Variants in WBP11 observed in about 807,000 individuals in gnomAD.
WBP11 encodes the protein WW domain-binding protein 11.
WBP11 carries 12 observed loss-of-function variants against 66.7 expected under a neutral mutation model. That is an observed-to-expected ratio of 0.18 (90% CI 0.12 to 0.29). The LOEUF (loss-of-function observed/expected upper bound fraction) is 0.29, where lower values mean the gene tolerates loss of function less well. Among genes scored for constraint, WBP11 ranks in the 10% least tolerant of loss-of-function variants. WBP11 has a pLI of 1.00. For synonymous variants in WBP11, 255 were observed against 273.8 expected (o/e 0.93, Z 0.68); for missense variants, 555 against 818.3 (o/e 0.68, Z 3.93).
Position 14,790,444 on chromosome 12 carries a change from G to C in WBP11, c.1309+12C>G. The C allele has an allele frequency of 6.2e-7, 1 of 1,612,758 alleles. No homozygotes were observed. Among genetic ancestry groups the C allele is most frequent in the Non-Finnish European group, 8.5e-7 (1 of 1,179,260 alleles). ...CTCATTTAAACTTTATTCACATTAT[G>C]TAAGTGTTTACCTGGAGGTGGACCA... is the stretch of plus-strand genomic sequence containing the variant. On this transcript the variant is annotated intron_variant, in intron 10 of 11. Transcript: ENST00000261167.
intron 3 of WBP11, 136 bp downstream of exon 3, chr12:14,800,616 C>G: frequency 2.4e-6 from 2 of 839,434 alleles, no homozygotes; most frequent in Non-Finnish European, 3.7e-6. Context: ...CTTAGTATAT[C>G]TTACAGTTTT....
chr12:14,787,769 T>G (rs1438612685), intron 11 of WBP11, among the ~76,000 whole-genome samples: 1 of 152,220 alleles, frequency 6.6e-6, no homozygotes, highest in Admixed American at 6.5e-5. Flanking sequence ...GGACATCAAC[T>G]GGTTTCAAAT....
intron 8 of WBP11, 23 bp downstream of exon 8, chr12:14,793,708 A>G (rs1450662754): frequency 6.8e-6 from 11 of 1,610,450 alleles, no homozygotes; most frequent in Non-Finnish European, 7.6e-6. Context: ...GATCAATACC[A>G]TGAATCCTTC....
At chr12:14,795,364 C>A (rs1466428248) in intron 5 of WBP11, among the ~76,000 whole-genome samples, 1 of 152,090 alleles carries the variant, frequency 6.6e-6, no homozygotes, top group Non-Finnish European at 1.5e-5. Context: ...TGATTCGAAA[C>A]AGCTGTTGTC....
rs745694995 is a variant in WBP11 at position 14,790,434 on chromosome 12, T to C, written c.1309+22A>G. On this transcript the variant is annotated intron_variant, in intron 10 of 11. Coordinates refer to ENST00000261167, the MANE Select transcript of WBP11 (RefSeq NM_016312.3). ...TCATTCTAACCTCATTTAAACTTTA[T>C]TCACATTATGTAAGTGTTTACCTGG... The C allele has an allele frequency of 4.4e-6, 7 of 1,606,798 alleles. 1 individual carries two copies. The South Asian group carries it at 7.7e-5, about 18-fold the overall frequency.
intron 11 of WBP11, among the ~76,000 whole-genome samples, chr12:14,788,191 A>G (rs1377314963): frequency 6.6e-6 from 1 of 152,172 alleles, no homozygotes; most frequent in African/African-American, 2.4e-5. Context: ...GTGAGCTCAG[A>G]TCGCGCCATT....
intron 2 of WBP11, 118 bp downstream of exon 2, chr12:14,801,202 T>C (rs560920986): frequency 8.3e-5 from 81 of 975,748 alleles, no homozygotes; most frequent in Non-Finnish European, 1.2e-4. Context: ...CCTGAATATA[T>C]AATTTATTCC....
chr12:14,800,795 G>A lies in WBP11; in HGVS notation c.65-12C>T, dbSNP rs1949953401. 1 of 1,596,348 alleles carries A rather than the reference G, an allele frequency of 6.3e-7. No homozygotes were observed. ...CCGGGCTTCCTTTCCTTTAAAAGGA[G>A]AGAGGGAGATATAATAAAATCTTTG... On this transcript the variant is annotated splice_polypyrimidine_tract_variant and intron_variant, in intron 2 of 11. Coordinates refer to ENST00000261167, the MANE Select transcript of WBP11 (RefSeq NM_016312.3).
intron 11 of WBP11, among the ~76,000 whole-genome samples, chr12:14,788,340 C>T (rs79101395): frequency 6.6e-5 from 10 of 152,318 alleles, no homozygotes; most frequent in Admixed American, 2.0e-4. Context: ...TTCAGACATA[C>T]ACAATATTCA....
chr12:14,790,576 C>T lies in WBP11; in HGVS notation c.1189G>A (p.Val397Ile). The T allele has an allele frequency of 2.5e-6, 4 of 1,613,994 alleles. No individual in the cohort carries two copies. Among genetic ancestry groups the T allele is most frequent in the Non-Finnish European group, 3.4e-6 (4 of 1,179,876 alleles). Residue 397 changes from valine (V) to isoleucine (I), a missense_variant, in exon 10 of 12, where the codon GTT becomes ATT. By Grantham distance (29) the Val-to-Ile change is conservative. Coordinates refer to ENST00000261167, the MANE Select transcript of WBP11 (RefSeq NM_016312.3). Reference protein sequence around the residue: ...SSQQQAPPQSVPPSQIQAPPM... With the variant: ...SSQQQAPPQSIPPSQIQAPPM... Reference sequence around the variant, plus strand: ...GGTGCTTGTATCTGAGAAGGAGGAACAGACTGCGGCGGAGCCTGCTGCTGT... The same window carrying T: ...GGTGCTTGTATCTGAGAAGGAGGAATAGACTGCGGCGGAGCCTGCTGCTGT...
At position 14,786,738 on chromosome 12, in the gene WBP11, A is replaced by T. The variant is rs550480197; in HGVS notation, c.*327T>A. On this transcript the variant is annotated 3_prime_UTR_variant, in exon 12 of 12. Coordinates refer to ENST00000261167, the MANE Select transcript of WBP11 (RefSeq NM_016312.3). ...AAATCTCTACTCCAGTGCCCACAGC[A>T]CACAAGAGTCAAAACAAATAAGCAA... The T allele has an allele frequency of 2.8e-5, 6 of 217,498 alleles. No homozygotes were observed. In the South Asian group the frequency reaches 6.4e-4, roughly 23 times the overall value. 13.5% of individuals were successfully genotyped at this position (217,498 alleles called of 1,614,324 possible).
At position 14,790,412 on chromosome 12, in the gene WBP11, T is replaced by C. The variant is rs1949806883; in HGVS notation, c.1309+44A>G. On this transcript the variant is annotated intron_variant, in intron 10 of 11. Coordinates refer to ENST00000261167, the MANE Select transcript of WBP11 (RefSeq NM_016312.3). Reference sequence around the variant, plus strand: ...CATAGTATTTTTTGGAATGACTTCATTCTAACCTCATTTAAACTTTATTCA... The same window carrying C: ...CATAGTATTTTTTGGAATGACTTCACTCTAACCTCATTTAAACTTTATTCA... The C allele has an allele frequency of 1.9e-6, 3 of 1,591,406 alleles. No individual in the cohort carries two copies. The East Asian group carries it at 6.7e-5, about 36-fold the overall frequency.
Position 14,787,032 on chromosome 12 carries a change from G to A in WBP11, c.*33C>T. On this transcript the variant is annotated 3_prime_UTR_variant, in exon 12 of 12. Coordinates refer to ENST00000261167, the MANE Select transcript of WBP11 (RefSeq NM_016312.3). ...GCCTCTTTCTCCATGGGCCACTGTT[G>A]TGAACAGAAGCCTTTTCTGGCATCA... 3 of 1,588,876 alleles carry A rather than the reference G, an allele frequency of 1.9e-6. No individual in the cohort carries two copies. Among genetic ancestry groups the A allele is most frequent in the Non-Finnish European group, 2.6e-6 (3 of 1,164,562 alleles).
At position 14,790,627 on chromosome 12, in the gene WBP11, A is replaced by C. The variant is rs1949811029; in HGVS notation, c.1138T>G (p.Ser380Ala). The change falls in exon 10 of 12, where the codon TCT becomes GCT. Residue 380 changes from serine (S) to alanine (A), a missense_variant. Coordinates refer to ENST00000261167, the MANE Select transcript of WBP11 (RefSeq NM_016312.3). The stretch of plus-strand genomic sequence containing the variant: ...GAAGAAGCAGTGGATGTGCCATCAG[A>C]ATGGGATTCCTCTTTATGCTGCTTT... ...SQKQHKEESH[S>A]DGTSTASSQQ... 5.6e-6 allele frequency: 9 copies of C among 1,614,128 alleles called. No individual in the cohort carries two copies. The highest frequency in any genetic ancestry group is 7.6e-6 in the Non-Finnish European group (9 of 1,179,954).
At chr12:14,797,111 A>C in intron 4 of WBP11, 108 bp from the exon 5 acceptor site, 2 of 732,746 alleles carry the variant, frequency 2.7e-6, no homozygotes, top group Non-Finnish European at 4.1e-6. Flanking sequence ...TTTTTAAGAG[A>C]TCTAGACACC....
chr12:14,789,151 A>G lies in WBP11; in HGVS notation c.1310-18T>C. On this transcript the variant is annotated intron_variant, in intron 10 of 11. Coordinates refer to ENST00000261167, the MANE Select transcript of WBP11 (RefSeq NM_016312.3). ...AGGAGCTCCTGAAAAGAGAAAAATG[A>G]TAAATTAATGTCACACAAATGTACA... The G allele has an allele frequency of 6.6e-7, 1 of 1,525,480 alleles. No individual in the cohort carries two copies. The highest frequency in any genetic ancestry group is 8.7e-7 in the Non-Finnish European group (1 of 1,147,490). The allele number at this position is 1,525,480 out of a possible 1,614,324, so 94.5% of individuals were successfully genotyped here.
At chr12:14,799,188 A>T (rs1279177143) in intron 4 of WBP11, among the ~76,000 whole-genome samples, 1 of 152,174 alleles carries the variant, frequency 6.6e-6, no homozygotes, top group Non-Finnish European at 1.5e-5. Flanking sequence ...TTTTTTCTAT[A>T]TCCTTACTAA....
Position 14,799,714 on chromosome 12 carries a change from G to C in WBP11, c.111C>G (p.Arg37=), listed in dbSNP as rs773992589. The change falls in exon 4 of 12, where the codon CGC becomes CGG. Residue 37 remains arginine (R), a synonymous_variant. Coordinates refer to ENST00000261167, the MANE Select transcript of WBP11 (RefSeq NM_016312.3). ...TTAAAACTGCAGCTCGAACCATCATGCGCTGTTTTTTGTTCTTAGAAAAAT... is the reference window on the plus strand; with the variant it reads ...TTAAAACTGCAGCTCGAACCATCATCCGCTGTTTTTTGTTCTTAGAAAAAT... ...KRELKKNKKQ[R]MMVRAAVLKM... The C allele has an allele frequency of 1.2e-6, 2 of 1,613,178 alleles. No homozygotes were observed. Among genetic ancestry groups the C allele is most frequent in the South Asian group, 1.1e-5 (1 of 91,026 alleles).
rs1949952748 is a variant in WBP11 at position 14,800,736 on chromosome 12, G to A, written c.96+16C>T. 2 of 1,599,566 alleles carry A rather than the reference G, an allele frequency of 1.3e-6. No homozygotes were observed. The highest frequency in any genetic ancestry group is 1.7e-6 in the Non-Finnish European group (2 of 1,171,090). ...AACAATACTTAAAGTTTTATAAGAT[G>A]CCTCTAAAATCATACCTTCTTTAAT... On this transcript the variant is annotated intron_variant, in intron 3 of 11. Coordinates refer to ENST00000261167, the MANE Select transcript of WBP11 (RefSeq NM_016312.3).
Sources: gnomAD v4.1 joint callset for allele counts (sites outside exome capture counted in the v4.1 genomes callset) on GRCh38, gnomAD v4.1.1 for gene constraint, MANE v1.5 for transcripts, NCBI Gene and HGNC (gene_info 2026-07-23, HGNC 2026-07-21) for gene names.